The following SCLT1 variants were observed in gnomAD, a reference collection of about 807,000 sequenced individuals.
SCLT1 encodes sodium channel-associated protein 1.
In SCLT1, 78 loss-of-function variants were observed where a neutral mutation model predicts 112.8. That is an observed-to-expected ratio of 0.69 (90% confidence interval 0.58 to 0.83). SCLT1 has a LOEUF of 0.83. Ranked by LOEUF, SCLT1 falls within the 40% of genes least tolerant of loss-of-function variation. SCLT1 has a pLI of 0.00. For missense variants in SCLT1, 747 were observed against 770.4 expected (o/e 0.97, Z 0.36); for synonymous variants, 257 against 254.7 (o/e 1.01, Z -0.09).
intron 9 of SCLT1, among the ~76,000 whole-genome samples, chr4:128,983,971 A>G (rs1741885884): frequency 6.6e-6 from 1 of 152,180 alleles, no homozygotes; most frequent in Admixed American, 6.5e-5. Flanking sequence ...CTTCCGTAAA[A>G]GAAGCATCTG....
At chr4:128,913,659 G>A (rs1296637425) in intron 18 of SCLT1, among the ~76,000 whole-genome samples, 1 of 152,156 alleles carries the variant, frequency 6.6e-6, no homozygotes, top group East Asian at 1.9e-4. Context: ...GGCCAAGGAA[G>A]AAGAGAAAGA....
At chr4:129,060,682 G>A (rs1749885172) in intron 2 of SCLT1, among the ~76,000 whole-genome samples, 1 of 152,094 alleles carries the variant, frequency 6.6e-6, no homozygotes, top group South Asian at 2.1e-4. Context: ...TTTTCTTAAT[G>A]TCAAGTATTC....
In SCLT1 at chr4:128,895,742, G is replaced by C. The variant is rs370352591; in HGVS notation, c.1830-4605C>G. The stretch of plus-strand genomic sequence containing the variant: ...ATGAGCCGAAGCAGGGCGAGGCATT[G>C]CCTCACCTGGGAAGTGCAAGGGGTC... On this transcript the variant is annotated intron_variant, in intron 18 of 20. Coordinates refer to ENST00000281142, the MANE Select transcript of SCLT1 (RefSeq NM_144643.4). 1.4e-3 allele frequency among the ~76,000 whole-genome samples: 208 copies of C among 152,348 alleles called. 1 individual carries two copies. The Middle Eastern group carries it at 0.031, about 22-fold the overall frequency.
At chr4:129,061,645 C>A (rs1749987475) in intron 2 of SCLT1, among the ~76,000 whole-genome samples, 1 of 152,066 alleles carries the variant, frequency 6.6e-6, no homozygotes, top group South Asian at 2.1e-4. Flanking sequence ...CACTTTGGGT[C>A]CAGTCTGGTG....
chr4:129,085,346 T>C (rs1254809360), intron 1 of SCLT1, among the ~76,000 whole-genome samples: 2 of 152,128 alleles, frequency 1.3e-5, no homozygotes, highest in African/African-American at 2.4e-5. Context: ...ATGGCTATTA[T>C]TAAAAAGTCA....
intron 18 of SCLT1, among the ~76,000 whole-genome samples, chr4:128,927,875 T>C (rs551764217): frequency 6.6e-6 from 1 of 151,396 alleles, no homozygotes; most frequent in East Asian, 1.9e-4. Context: ...ATAAGAGTGA[T>C]AACAAAAAAA....
intron 15 of SCLT1, among the ~76,000 whole-genome samples, chr4:128,946,612 A>T (rs574844762): frequency 3.0e-4 from 46 of 152,336 alleles, no homozygotes; most frequent in Non-Finnish European, 3.5e-4. Context: ...ATTCATGCTC[A>T]TGGTAAACTA....
chr4:128,968,902 C>G (rs760385023), intron 10 of SCLT1, among the ~76,000 whole-genome samples: 3 of 152,154 alleles, frequency 2.0e-5, no homozygotes, highest in African/African-American at 4.8e-5. Context: ...TAGGGCTCAT[C>G]ATCTTTGTGG....
intron 18 of SCLT1, among the ~76,000 whole-genome samples, chr4:128,932,445 C>T (rs143226029): frequency 0.013 from 1,905 of 152,012 alleles, 51 homozygotes; most frequent in African/African-American, 0.044. Context: ...ATATTTCCTA[C>T]CCAAAATAGG....
chr4:128,883,655 T>C (rs1282654187), downstream of SCLT1, among the ~76,000 whole-genome samples: 2 of 152,206 alleles, frequency 1.3e-5, no homozygotes, highest in Non-Finnish European at 2.9e-5. Context: ...TGTTTTCATG[T>C]CACCTTCAAC....
chr4:128,904,555 T>G (rs138915757), intron 18 of SCLT1, among the ~76,000 whole-genome samples: 1 of 152,168 alleles, frequency 6.6e-6, no homozygotes, highest in Non-Finnish European at 1.5e-5. Flanking sequence ...TTCTCCTGAG[T>G]GCCCACTGTT....
At chr4:128,935,152 T>C (rs958373387) in intron 18 of SCLT1, among the ~76,000 whole-genome samples, 2 of 151,998 alleles carry the variant, frequency 1.3e-5, no homozygotes, top group Admixed American at 6.5e-5. Flanking sequence ...ATCCCTGACA[T>C]TGAGCCTAAC....
At chr4:128,934,080 T>C (rs931359153) in intron 18 of SCLT1, among the ~76,000 whole-genome samples, 1 of 152,012 alleles carries the variant, frequency 6.6e-6, no homozygotes, top group African/African-American at 2.4e-5. Context: ...AATTTTGATT[T>C]AATTCAAAAA....
intron 18 of SCLT1, among the ~76,000 whole-genome samples, chr4:128,910,151 T>C (rs867178740): frequency 6.6e-6 from 1 of 152,212 alleles, no homozygotes; most frequent in Non-Finnish European, 1.5e-5. Flanking sequence ...CAAAAGGATC[T>C]GTACAGTTTA....
chr4:128,979,454 G>A (rs1007803840), intron 9 of SCLT1, among the ~76,000 whole-genome samples: 2 of 152,120 alleles, frequency 1.3e-5, no homozygotes, highest in African/African-American at 4.8e-5. Flanking sequence ...GAGAGAAGGT[G>A]TCATGTATAA....
At chr4:128,894,401 CACACACACACACAG>C (rs1378360252) in intron 18 of SCLT1, among the ~76,000 whole-genome samples, 4 of 87,534 alleles carry the variant, frequency 4.6e-5, no homozygotes, top group Non-Finnish European at 8.9e-5. Context: ...CACACACACA[CACACACACACACAG>C]AGTATATGTG....
At chr4:129,019,849 A>G (rs1745305547) in intron 5 of SCLT1, among the ~76,000 whole-genome samples, 1 of 151,624 alleles carries the variant, frequency 6.6e-6, no homozygotes, top group African/African-American at 2.4e-5. Flanking sequence ...TTCCTTTTTT[A>G]TGCTCCTCCA....
At chr4:128,985,218 A>T (rs2058296182) in intron 9 of SCLT1, among the ~76,000 whole-genome samples, 1 of 152,158 alleles carries the variant, frequency 6.6e-6, no homozygotes, top group African/African-American at 2.4e-5. Flanking sequence ...ATTTCTGGGA[A>T]TGGAACTTTA....
At chr4:129,065,112 T>C (rs1196732944) in intron 2 of SCLT1, among the ~76,000 whole-genome samples, 2 of 152,066 alleles carry the variant, frequency 1.3e-5, no homozygotes, top group Admixed American at 6.6e-5. Context: ...TACTTTTAGT[T>C]TTGTCACTTT....
Sources: allele counts gnomAD v4.1 joint callset (sites outside exome capture counted in the v4.1 genomes callset), GRCh38; gene constraint gnomAD v4.1.1; transcripts MANE v1.5; gene names NCBI Gene and HGNC (gene_info 2026-07-23, HGNC 2026-07-21).